Variants in CATSPERB observed in about 807,000 individuals in gnomAD.
The protein encoded by CATSPERB is catsper channel auxiliary subunit beta, also known as cation channel sperm-associated auxiliary subunit beta.
A neutral mutation model predicts 128.3 loss-of-function variants in CATSPERB; 93 were observed. The ratio of observed to expected loss-of-function variants is 0.72; its 90% CI spans 0.61 to 0.86. The LOEUF (loss-of-function observed/expected upper bound fraction) is 0.86. Ranked by LOEUF, CATSPERB falls within the 40% of genes least tolerant of loss-of-function variation. The pLI is 0.00. For missense variants in CATSPERB, 1,153 were observed against 1,329.5 expected (o/e 0.87, Z 2.06); for synonymous variants, 381 against 448.8 (o/e 0.85, Z 1.91).
chr14:91,600,969 C>A (rs1237504281), intron 22 of CATSPERB, among the ~76,000 whole-genome samples: 1 of 152,176 alleles, frequency 6.6e-6, no homozygotes, highest in Non-Finnish European at 1.5e-5. Flanking sequence ...GTAAACAGAA[C>A]AATATTGATA....
At chr14:91,726,369 C>T (rs539235639) in intron 2 of CATSPERB, among the ~76,000 whole-genome samples, 295 of 152,316 alleles carry the variant, frequency 1.9e-3, no homozygotes, top group Middle Eastern at 6.8e-3. Context: ...TCTGCATGCT[C>T]CCCATCCCGT....
chr14:91,609,324 C>G (rs372697280), intron 21 of CATSPERB, among the ~76,000 whole-genome samples: 8 of 152,202 alleles, frequency 5.3e-5, no homozygotes, highest in African/African-American at 1.9e-4. Flanking sequence ...TACATTAGAG[C>G]CACGAGAGGT....
chr14:91,639,617 G>A (rs3850399), intron 15 of CATSPERB, among the ~76,000 whole-genome samples: 44,064 of 152,016 alleles, frequency 0.29, 7,284 homozygotes, highest in East Asian at 0.48. Context: ...AAGGCAAGGC[G>A]AATCATCAGT....
intron 15 of CATSPERB, among the ~76,000 whole-genome samples, chr14:91,651,053 C>T (rs961347029): frequency 6.6e-6 from 1 of 151,986 alleles, no homozygotes; most frequent in Non-Finnish European, 1.5e-5. Context: ...TTGGCCATTC[C>T]TCCAGATCCA....
chr14:91,722,133 T>A (rs1301328585), intron 4 of CATSPERB, among the ~76,000 whole-genome samples: 1 of 152,200 alleles, frequency 6.6e-6, no homozygotes, highest in Non-Finnish European at 1.5e-5. Context: ...GTCTGGCATT[T>A]TCTCAAAAGG....
chr14:91,663,666 A>C (rs1322659450), intron 14 of CATSPERB, among the ~76,000 whole-genome samples: 2 of 145,994 alleles, frequency 1.4e-5, no homozygotes, highest in East Asian at 4.1e-4. Flanking sequence ...AAAAAAAAAA[A>C]ATTAATTCAG....
intron 16 of CATSPERB, among the ~76,000 whole-genome samples, chr14:91,637,207 G>A (rs115158859): frequency 5.1e-4 from 78 of 152,254 alleles, no homozygotes; most frequent in African/African-American, 1.9e-3. Flanking sequence ...CCCCAAAGGG[G>A]CTGCTGGAGT....
At chr14:91,728,090 T>A (rs1896148228) in intron 2 of CATSPERB, among the ~76,000 whole-genome samples, 1 of 152,178 alleles carries the variant, frequency 6.6e-6, no homozygotes, top group Non-Finnish European at 1.5e-5. Context: ...TTTTAATACA[T>A]TTTAAGATCC....
intron 6 of CATSPERB, among the ~76,000 whole-genome samples, chr14:91,704,990 G>A (rs1038914492): frequency 2.0e-5 from 3 of 152,198 alleles, no homozygotes. Context: ...ATTTGCCACA[G>A]GATCTATCCC....
In CATSPERB at chr14:91,612,067, C is replaced by CTTTCTTT. The variant is rs1566703361; in HGVS notation, c.2401-1391_2401-1390insAAAGAAA. 7.4e-3 allele frequency among the ~76,000 whole-genome samples: 317 copies of CTTTCTTT among 42,896 alleles called. 2 individuals are homozygous for CTTTCTTT. Among genetic ancestry groups the CTTTCTTT allele is most frequent in the Middle Eastern group, 0.015 (1 of 68 alleles). 28.1% of individuals were successfully genotyped at this position (42,896 alleles called of 152,430 possible). On this transcript the variant is annotated intron_variant, in intron 20 of 26. Coordinates refer to ENST00000256343, the MANE Select transcript of CATSPERB (RefSeq NM_024764.4). ...TTCTTTCTTTCTTTCTTTCTTTCTT[C>CTTTCTTT]CTTTTTTTAAGAGATGAGATCGCGC...
chr14:91,674,347 A>G lies in CATSPERB; in HGVS notation c.932-125T>C, dbSNP rs151081298. The G allele has an allele frequency of 4.2e-4, 252 of 604,270 alleles. 2 individuals carry two copies. The African/African-American group carries it at 4.3e-3, about 10-fold the overall frequency. The allele number at this position is 604,270 out of a possible 1,614,324, so 37.4% of individuals were successfully genotyped here. On this transcript the variant is annotated intron_variant, in intron 11 of 26. Transcript: ENST00000256343. ...ATTTTTGCAAGTAAACTTATGGTAAATGAAAATAATAATAATAATAAAAGT... is the reference window on the plus strand; with the variant it reads ...ATTTTTGCAAGTAAACTTATGGTAAGTGAAAATAATAATAATAATAAAAGT...
At chr14:91,692,133 C>T (rs1032963655) in intron 9 of CATSPERB, among the ~76,000 whole-genome samples, 16 of 148,632 alleles carry the variant, frequency 1.1e-4, no homozygotes, top group Middle Eastern at 3.3e-3. Context: ...GCTGAGATCA[C>T]GCCACTGCAC....
intron 22 of CATSPERB, chr14:91,605,040 T>C: frequency 8.4e-7 from 1 of 1,192,320 alleles, no homozygotes; most frequent in South Asian, 1.2e-5. Flanking sequence ...TTCTGTTTCT[T>C]GAATGGGACC....
At chr14:91,587,409 T>C (rs1473776211) in intron 25 of CATSPERB, 133 bp from the exon 26 acceptor site, 1 of 440,670 alleles carries the variant, frequency 2.3e-6, no homozygotes, top group Non-Finnish European at 3.9e-6. Context: ...TTCCTAAGGC[T>C]CTCGGACATA....
At chr14:91,619,894 T>A (rs972649226) in intron 19 of CATSPERB, among the ~76,000 whole-genome samples, 2 of 148,052 alleles carry the variant, frequency 1.4e-5, no homozygotes, top group East Asian at 3.9e-4. Context: ...TGTGTGTGTG[T>A]GTGTGTGTGT....
chr14:91,634,559 G>A (rs1356880755), intron 17 of CATSPERB, among the ~76,000 whole-genome samples: 5 of 150,574 alleles, frequency 3.3e-5, no homozygotes, highest in Admixed American at 2.0e-4. Context: ...CAAGACATCT[G>A]AATACATATG....
At chr14:91,700,729 G>A (rs1268729643) in intron 7 of CATSPERB, among the ~76,000 whole-genome samples, 1 of 152,114 alleles carries the variant, frequency 6.6e-6, no homozygotes, top group Non-Finnish European at 1.5e-5. Flanking sequence ...ACAGGCAACA[G>A]AAAACCAAAT....
intron 14 of CATSPERB, among the ~76,000 whole-genome samples, chr14:91,664,259 C>CTT (rs750623098): frequency 0.011 from 1,213 of 115,412 alleles, 40 homozygotes; most frequent in Non-Finnish European, 0.013. Context: ...TCTTCCATGT[C>CTT]TTTTTTTTTT....
At chr14:91,600,786 T>C (rs1893595747) in intron 22 of CATSPERB, among the ~76,000 whole-genome samples, 1 of 152,328 alleles carries the variant, frequency 6.6e-6, no homozygotes, top group South Asian at 2.1e-4. Flanking sequence ...GAAAGAAGGC[T>C]CTTAAAGGGG....
Sources: allele counts gnomAD v4.1 joint callset (sites outside exome capture counted in the v4.1 genomes callset), GRCh38; gene constraint gnomAD v4.1.1; transcripts MANE v1.5; gene names NCBI Gene and HGNC (gene_info 2026-07-23, HGNC 2026-07-21).